The following ANKRD31 variants were observed in gnomAD, a reference collection of about 807,000 sequenced individuals.
The protein encoded by ANKRD31 is ankyrin repeat domain 31, also known as ankyrin repeat domain-containing protein 31.
In ANKRD31, 147 loss-of-function variants were observed where a neutral mutation model predicts 186.0. That is an observed-to-expected ratio of 0.79 (90% CI 0.69 to 0.91). The LOEUF is 0.91. ANKRD31 is among the 40% of genes least tolerant of loss of function. The pLI, the probability that ANKRD31 is intolerant of heterozygous loss-of-function variation, is 0.00. For synonymous variants in ANKRD31, 673 were observed against 736.4 expected, an observed-to-expected ratio of 0.91 and a Z score of 1.39; for missense variants, 1,986 against 2,148.8, an observed-to-expected ratio of 0.92 and a Z score of 1.50.
intron 2 of ANKRD31, among the ~76,000 whole-genome samples, chr5:75,228,301 G>C (rs1309549072): frequency 6.6e-6 from 1 of 152,090 alleles, no homozygotes; most frequent in African/African-American, 2.4e-5. Flanking sequence ...AAAAATCCTT[G>C]CATGCCTTGT....
chr5:75,173,855 C>T (rs922846673), intron 10 of ANKRD31, among the ~76,000 whole-genome samples: 27 of 152,046 alleles, frequency 1.8e-4, no homozygotes, highest in African/African-American at 6.5e-4. Context: ...ACCAATGACT[C>T]TTCACAGAAT....
At chr5:75,149,346 A>G (rs562854474) in intron 12 of ANKRD31, among the ~76,000 whole-genome samples, 1 of 152,064 alleles carries the variant, frequency 6.6e-6, no homozygotes, top group South Asian at 2.1e-4. Flanking sequence ...GATACATAAC[A>G]CAAATTTCCC....
chr5:75,091,289 T>C lies in ANKRD31; in HGVS notation c.5444A>G (p.Tyr1815Cys), dbSNP rs1184048077. 1.3e-6 allele frequency: 2 copies of C among 1,537,118 alleles called. No individual in the cohort carries two copies. Among genetic ancestry groups the C allele is most frequent in the South Asian group, 1.2e-5 (1 of 84,042 alleles). The part of the protein sequence containing the change: ...WLKDLLGGNS[Y>C]VTWNYAWSKV... ...ACTCCAAGCATAATTCCAGGTCACA[T>C]AACTGTTGCCTCCCAGAAGATCCTT... The change falls in exon 23 of 26, where the codon TAT becomes TGT. Residue 1815 changes from tyrosine (Y) to cysteine (C), a missense_variant. Tyr to Cys is a radical substitution (Grantham distance 194). Transcript: ENST00000506364.
At position 75,118,223 on chromosome 5, in the gene ANKRD31, T is replaced by C; in HGVS notation, c.3951A>G (p.Glu1317=). The C allele has an allele frequency of 6.5e-7, 1 of 1,530,124 alleles. No individual in the cohort carries two copies. Among genetic ancestry groups the C allele is most frequent in the Non-Finnish European group, 8.7e-7 (1 of 1,144,988 alleles). 94.8% of individuals were successfully genotyped at this position (1,530,124 alleles called of 1,614,324 possible). A position where few individuals can be genotyped will look rare whatever the true frequency, so the allele number is the denominator to read the frequency against. ...KDQKQKSALD[E]ADDEKMKELL... ...ATTCTTTCATTTTTTCATCATCTGC[T>C]TCATCCAAAGCACTCTTCTGTTTTT... is the stretch of plus-strand genomic sequence containing the variant. The change falls in exon 18 of 26, where the codon GAA becomes GAG. Residue 1317 remains glutamate (E), a synonymous_variant. Transcript: ENST00000506364.
chr5:75,203,588 G>A (rs1343581013), intron 5 of ANKRD31, among the ~76,000 whole-genome samples: 2 of 151,390 alleles, frequency 1.3e-5, no homozygotes, highest in Non-Finnish European at 2.9e-5. Flanking sequence ...GGTTGAACCC[G>A]GGAGGTGGAG....
chr5:75,230,673 G>T, intron 1 of ANKRD31, 38 bp from the exon 2 acceptor site: 2 of 1,448,278 alleles, frequency 1.4e-6, no homozygotes, highest in Non-Finnish European at 1.9e-6. Flanking sequence ...AGTTGTTAAT[G>T]TGTCTTAAAC....
intron 9 of ANKRD31, among the ~76,000 whole-genome samples, chr5:75,189,448 G>C (rs1443799448): frequency 6.6e-6 from 1 of 152,120 alleles, no homozygotes; most frequent in Admixed American, 6.6e-5. Context: ...AGGTAACTGA[G>C]TACTGCAGCA....
intron 25 of ANKRD31, among the ~76,000 whole-genome samples, chr5:75,075,960 A>G (rs987959683): frequency 2.0e-5 from 3 of 152,174 alleles, no homozygotes; most frequent in Admixed American, 6.5e-5. Flanking sequence ...TAAGTCTAAA[A>G]TTTTTGAACT....
chr5:75,103,817 G>A (rs558981417), intron 22 of ANKRD31, among the ~76,000 whole-genome samples: 4 of 152,242 alleles, frequency 2.6e-5, no homozygotes, highest in African/African-American at 4.8e-5. Flanking sequence ...CGTGAACACA[G>A]GGAGGGGAAC....
At chr5:75,211,961 C>A (rs939808377) in intron 3 of ANKRD31, among the ~76,000 whole-genome samples, 4 of 151,998 alleles carry the variant, frequency 2.6e-5, no homozygotes, top group Non-Finnish European at 5.9e-5. Flanking sequence ...TCCTTTGACG[C>A]TCAAAAGTTT....
At chr5:75,118,999 C>G (rs1265734532) in intron 17 of ANKRD31, among the ~76,000 whole-genome samples, 1 of 146,298 alleles carries the variant, frequency 6.8e-6, no homozygotes, top group African/African-American at 2.5e-5. Flanking sequence ...TTTATGTACT[C>G]TACTTGTTCA....
chr5:75,217,676 G>A (rs2150300290), intron 3 of ANKRD31, among the ~76,000 whole-genome samples: 1 of 152,242 alleles, frequency 6.6e-6, no homozygotes, highest in South Asian at 2.1e-4. Flanking sequence ...GTCTCTTGAA[G>A]ACAGCATACC....
chr5:75,138,387 C>G (rs748359055), intron 16 of ANKRD31, among the ~76,000 whole-genome samples: 9 of 152,052 alleles, frequency 5.9e-5, no homozygotes, highest in Non-Finnish European at 1.2e-4. Flanking sequence ...TTGAGTTTTT[C>G]CCTGTGGAAT....
At position 75,104,256 on chromosome 5, in the gene ANKRD31, C is replaced by G; in HGVS notation, c.5303G>C (p.Gly1768Ala). 1 of 1,515,246 alleles carries G rather than the reference C, an allele frequency of 6.6e-7. No individual in the cohort carries two copies. The highest frequency in any genetic ancestry group is 8.8e-7 in the Non-Finnish European group (1 of 1,135,534). The allele number at this position is 1,515,246 out of a possible 1,614,324, so 93.9% of individuals were successfully genotyped here. A position where few individuals can be genotyped will look rare whatever the true frequency, so the allele number is the denominator to read the frequency against. Residue 1768 changes from glycine (G) to alanine (A), a missense_variant, in exon 22 of 26, where the codon GGA becomes GCA. Transcript: ENST00000506364. Reference protein sequence around the residue: ...DLILLGRINPGNNILEFKTQE... With the variant: ...DLILLGRINPANNILEFKTQE... Reference sequence around the variant, plus strand: ...TGTTTTGAATTCCAGAATGTTATTTCCTGGGTTAATTCTTCCTAGTAATAT... The same window carrying G: ...TGTTTTGAATTCCAGAATGTTATTTGCTGGGTTAATTCTTCCTAGTAATAT...
In ANKRD31 at chr5:75,206,525, A is replaced by G. The variant is rs1170472074; in HGVS notation, c.327-38T>C. The stretch of plus-strand genomic sequence containing the variant: ...TTAATAAAAATAAATTTTAAAATGG[A>G]AGAAAAAATAGTGTTTCTCATTCAA... On this transcript the variant is annotated intron_variant, in intron 4 of 25. Coordinates refer to ENST00000506364, the MANE Select transcript of ANKRD31 (RefSeq NM_001372053.1). 4 of 1,197,832 alleles carry G rather than the reference A, an allele frequency of 3.3e-6. No individual in the cohort carries two copies. The South Asian group carries it at 7.4e-5, about 22-fold the overall frequency. The allele number at this position is 1,197,832 out of a possible 1,614,324, so 74.2% of individuals were successfully genotyped here.
intron 17 of ANKRD31, 118 bp from the exon 18 acceptor site, chr5:75,118,415 G>T: frequency 9.8e-7 from 1 of 1,021,824 alleles, no homozygotes; most frequent in Non-Finnish European, 1.3e-6. Context: ...TTCAAACTCA[G>T]GTCAAGAAAA....
chr5:75,178,792 A>G (rs1159574328), intron 10 of ANKRD31, among the ~76,000 whole-genome samples: 1 of 152,224 alleles, frequency 6.6e-6, no homozygotes, highest in East Asian at 1.9e-4. Flanking sequence ...GGAAACATCT[A>G]AAATTGACAC....
Position 75,188,602 on chromosome 5 carries a change from T to C in ANKRD31, c.1455A>G (p.Arg485=). ...NKISLHSINR[R]NIFGENLVYK... ...ATACTAAGTTCTCTCCAAAAATGTT[T>C]CTCCGGTTAATGCTATGAAGAGATA... The change falls in exon 10 of 26, where the codon AGA becomes AGG. Residue 485 remains arginine, a synonymous_variant. Transcript: ENST00000506364. 1.3e-6 allele frequency: 2 copies of C among 1,536,206 alleles called. No homozygotes were observed. Among genetic ancestry groups the C allele is most frequent in the Non-Finnish European group, 1.7e-6 (2 of 1,146,374 alleles).
At chr5:75,114,474 T>TA (rs1207501554) in intron 19 of ANKRD31, among the ~76,000 whole-genome samples, 2 of 152,240 alleles carry the variant, frequency 1.3e-5, no homozygotes, top group East Asian at 1.9e-4. Context: ...TCTTTTATAA[T>TA]AAAAAAATTC....
Sources: allele counts gnomAD v4.1 joint callset (sites outside exome capture counted in the v4.1 genomes callset), GRCh38; gene constraint gnomAD v4.1.1; transcripts MANE v1.5; gene names NCBI Gene and HGNC (gene_info 2026-07-23, HGNC 2026-07-21).